BMPR1B: variants seen among roughly 807,000 people sequenced by gnomAD.
The protein encoded by BMPR1B is bone morphogenetic protein receptor type 1B, also known as bone morphogenetic protein receptor type-1B.
In BMPR1B, 12 loss-of-function variants were observed where a neutral mutation model predicts 59.1. The ratio of observed to expected loss-of-function variants is 0.20; its 90% CI spans 0.13 to 0.33. The LOEUF (loss-of-function observed/expected upper bound fraction) is 0.33, where lower values mean the gene tolerates loss of function less well. Ranked by LOEUF, BMPR1B falls within the 10% of genes least tolerant of loss-of-function variation. The pLI is 1.00. For synonymous variants in BMPR1B, 237 were observed against 207.3 expected, an observed-to-expected ratio of 1.14 and a Z score of -1.23; for missense variants, 550 against 610.9, an observed-to-expected ratio of 0.90 and a Z score of 1.05.
intron 2 of BMPR1B, among the ~76,000 whole-genome samples, chr4:94,891,683 T>C (rs1001452293): frequency 1.3e-5 from 2 of 152,046 alleles, no homozygotes; most frequent in African/African-American, 2.4e-5. Context: ...AAAAATGGAA[T>C]AGCATAGGGA....
chr4:94,980,825 C>A (rs1578877349), intron 2 of BMPR1B, among the ~76,000 whole-genome samples: 2 of 152,098 alleles, frequency 1.3e-5, no homozygotes, highest in African/African-American at 4.8e-5. Context: ...GTACTTAATA[C>A]AAGTTGAGAA....
intron 2 of BMPR1B, among the ~76,000 whole-genome samples, chr4:94,964,293 A>G (rs541336707): frequency 2.4e-4 from 37 of 152,182 alleles, no homozygotes; most frequent in African/African-American, 8.4e-4. Context: ...CTCCTTCACA[A>G]TTTGTATGTC....
At chr4:94,792,470 A>G (rs1258017646) in intron 1 of BMPR1B, among the ~76,000 whole-genome samples, 1 of 151,910 alleles carries the variant, frequency 6.6e-6, no homozygotes, top group Non-Finnish European at 1.5e-5. Context: ...CCAGATTACA[A>G]CATAACACAC....
Position 95,150,342 on chromosome 4 carries a change from C to T in BMPR1B, c.1252+1419C>T, listed in dbSNP as rs564201451. Among the ~76,000 whole-genome samples the T allele has an allele frequency of 2.8e-4, 43 of 152,016 alleles. No individual in the cohort carries two copies. In the South Asian group the frequency reaches 2.9e-3, roughly 10 times the overall value. On this transcript the variant is annotated intron_variant, in intron 11 of 12. Coordinates refer to ENST00000515059, the MANE Select transcript of BMPR1B (RefSeq NM_001203.3). ...TCACGCATTATAAAGAGTAGATAAG[C>T]CTCACGTTTGCATTCCCAGCATTTT...
intron 2 of BMPR1B, among the ~76,000 whole-genome samples, chr4:94,927,832 G>C (rs1268342043): frequency 6.6e-6 from 1 of 152,120 alleles, no homozygotes; most frequent in Non-Finnish European, 1.5e-5. Flanking sequence ...TGCACAGATA[G>C]AGATAGTAAA....
intron 2 of BMPR1B, among the ~76,000 whole-genome samples, chr4:94,919,591 G>A (rs2149022639): frequency 6.6e-6 from 1 of 152,116 alleles, no homozygotes; most frequent in South Asian, 2.1e-4. Context: ...TAGAGTTTGA[G>A]AAGTCACTAA....
chr4:95,118,448 T>C (rs1040884116), intron 6 of BMPR1B, among the ~76,000 whole-genome samples: 23 of 152,322 alleles, frequency 1.5e-4, no homozygotes, highest in Admixed American at 4.6e-4. Flanking sequence ...TCTAGTCTTA[T>C]AAAAACAGTC....
At chr4:95,138,914 CT>C (rs1734006410) in intron 10 of BMPR1B, among the ~76,000 whole-genome samples, 1 of 152,236 alleles carries the variant, frequency 6.6e-6, no homozygotes, top group African/African-American at 2.4e-5. Flanking sequence ...CTTCTCTCAA[CT>C]CGTCAAAGTC....
intron 2 of BMPR1B, among the ~76,000 whole-genome samples, chr4:94,929,263 C>T (rs1475253461): frequency 2.6e-5 from 4 of 152,040 alleles, no homozygotes; most frequent in Non-Finnish European, 5.9e-5. Context: ...AAAACTTGGG[C>T]AGTGTGACTT....
intron 1 of BMPR1B, among the ~76,000 whole-genome samples, chr4:94,865,078 C>T (rs1389459762): frequency 7.9e-5 from 12 of 151,114 alleles, no homozygotes; most frequent in South Asian, 4.2e-4. Context: ...GGTGTGATCT[C>T]GGCTCACTGC....
At chr4:94,796,177 C>T (rs956010295) in intron 1 of BMPR1B, among the ~76,000 whole-genome samples, 1 of 152,150 alleles carries the variant, frequency 6.6e-6, no homozygotes, top group Admixed American at 6.5e-5. Flanking sequence ...GTTGGCCAGG[C>T]TGGCCTCGGA....
At chr4:95,105,486 T>C (rs932646803) in intron 4 of BMPR1B, among the ~76,000 whole-genome samples, 28 of 151,890 alleles carry the variant, frequency 1.8e-4, no homozygotes, top group African/African-American at 5.8e-4. Context: ...TTTTTTTTTT[T>C]CCTTTCTGAG....
chr4:94,810,178 A>C (rs899189301), intron 1 of BMPR1B, among the ~76,000 whole-genome samples: 2 of 152,142 alleles, frequency 1.3e-5, no homozygotes, highest in African/African-American at 4.8e-5. Flanking sequence ...AGCATTCCAC[A>C]TATTGGCATT....
chr4:94,882,968 G>A (rs984323426), intron 2 of BMPR1B, among the ~76,000 whole-genome samples: 19 of 136,996 alleles, frequency 1.4e-4, no homozygotes, highest in Admixed American at 7.4e-4. Context: ...GTGTGTGTGC[G>A]TGTGTGTGTA....
chr4:94,990,092 T>A (rs1721642201), intron 2 of BMPR1B, among the ~76,000 whole-genome samples: 1 of 152,244 alleles, frequency 6.6e-6, no homozygotes, highest in African/African-American at 2.4e-5. Context: ...GCATGGTGGC[T>A]CATGCCTATA....
chr4:94,804,113 T>G (rs1578662652), intron 1 of BMPR1B, among the ~76,000 whole-genome samples: 1 of 152,094 alleles, frequency 6.6e-6, no homozygotes, highest in South Asian at 2.1e-4. Context: ...CTCCTGACCT[T>G]GTGATCCGCC....
intron 3 of BMPR1B, among the ~76,000 whole-genome samples, chr4:95,022,761 T>A (rs2149139380): frequency 6.6e-6 from 1 of 152,298 alleles, no homozygotes; most frequent in African/African-American, 2.4e-5. Context: ...ATTGAGTTTT[T>A]AAATGAGACA....
At chr4:95,009,511 A>G (rs1723077927) in intron 3 of BMPR1B, among the ~76,000 whole-genome samples, 1 of 152,190 alleles carries the variant, frequency 6.6e-6, no homozygotes, top group Non-Finnish European at 1.5e-5. Context: ...TGGATGAAAA[A>G]AGCAAGTCAC....
rs1287684051 is a variant in BMPR1B at position 94,949,537 on chromosome 4, C to T, written c.-112-46503C>T. Among the ~76,000 whole-genome samples the T allele has an allele frequency of 8.7e-5, 5 of 57,404 alleles. 1 individual carries two copies. The East Asian group carries it at 1.1e-3, about 12-fold the overall frequency. The allele number at this position is 57,404 out of a possible 152,430, so 37.7% of individuals were successfully genotyped here. ...TTCACCTTGTTAGCCAGGATGGTCTCGATCTCCTGACCTCGTGATCCACCC... is the reference window on the plus strand; with the variant it reads ...TTCACCTTGTTAGCCAGGATGGTCTTGATCTCCTGACCTCGTGATCCACCC... On this transcript the variant is annotated intron_variant, in intron 2 of 12. Coordinates refer to ENST00000515059, the MANE Select transcript of BMPR1B (RefSeq NM_001203.3).
Sources: gnomAD v4.1 joint callset for allele counts (sites outside exome capture counted in the v4.1 genomes callset) on GRCh38, gnomAD v4.1.1 for gene constraint, MANE v1.5 for transcripts, NCBI Gene and HGNC (gene_info 2026-07-23, HGNC 2026-07-21) for gene names.